ADGRG6: variants seen among roughly 807,000 people sequenced by gnomAD.
ADGRG6 encodes the protein G-protein coupled receptor 126.
In ADGRG6, 84 loss-of-function variants were observed where a neutral mutation model predicts 142.4. That is an observed-to-expected ratio of 0.59 (90% confidence interval 0.49 to 0.71). ADGRG6 has a LOEUF of 0.71. ADGRG6 is among the 30% of genes least tolerant of loss of function. The probability of loss-of-function intolerance (pLI) is 0.00; values close to 1 mark genes in which losing one functional copy is unlikely to be tolerated. For missense variants in ADGRG6, 1,367 were observed against 1,466.6 expected (o/e 0.93, Z 1.11); for synonymous variants, 521 against 520.5 (o/e 1.00, Z -0.01).
rs372566813 is a variant in ADGRG6, at chr6:142,411,439, T to C, written c.2541+28T>C. 17 of 1,116,086 alleles carry C rather than the reference T, an allele frequency of 1.5e-5. No individual in the cohort carries two copies. The African/African-American group carries it at 2.6e-4, about 17-fold the overall frequency. The allele number at this position is 1,116,086 out of a possible 1,614,324, so 69.1% of individuals were successfully genotyped here. A position where few individuals can be genotyped will look rare whatever the true frequency, so the allele number is the denominator to read the frequency against. On this transcript the variant is annotated intron_variant, in intron 18 of 24. Coordinates refer to ENST00000367609, the MANE Select transcript of ADGRG6 (RefSeq NM_198569.3). ...AAGGGGGGAATTTCTAAGCTCATTT[T>C]GACATGCTGTAACTTTGGATGGCAT...
chr6:142,320,857 C>G (rs1189850765), intron 2 of ADGRG6, among the ~76,000 whole-genome samples: 2 of 151,650 alleles, frequency 1.3e-5, no homozygotes, highest in African/African-American at 4.8e-5. Context: ...TGTAGTCATC[C>G]CTTTCTGTAA....
chr6:142,419,926 C>T lies in ADGRG6; in HGVS notation c.3141C>T (p.Ile1047=). 1 of 1,613,274 alleles carries T rather than the reference C, an allele frequency of 6.2e-7. No individual in the cohort carries two copies. Among genetic ancestry groups the T allele is most frequent in the South Asian group, 1.1e-5 (1 of 91,070 alleles). The change falls in exon 22 of 25, where the codon ATC becomes ATT. Residue 1047 remains isoleucine (I), a synonymous_variant. Coordinates refer to ENST00000367609, the MANE Select transcript of ADGRG6 (RefSeq NM_198569.3). ...TGTTCATTGTGGTAATGGTGCAGAT[C>T]TGTGGGAGGAATGGCAAGAGAAGCA... ...IAMFIVVMVQ[I]CGRNGKRSNR... is the part of the protein sequence containing the mutation.
chr6:142,379,359 T>G (rs749325793), intron 4 of ADGRG6, among the ~76,000 whole-genome samples: 7 of 152,258 alleles, frequency 4.6e-5, no homozygotes, highest in African/African-American at 4.8e-5. Context: ...GGCTGAATTA[T>G]TAGTAGTAGT....
In ADGRG6 at chr6:142,416,076, A is replaced by G. The variant is rs1776344347; in HGVS notation, c.2938+12A>G. ...CATCATTGGCTGGGGTAAGCCTCTT[A>G]AAATTTTTTTGGTTTTGTTTTTCCC... is the stretch of plus-strand genomic sequence containing the variant. On this transcript the variant is annotated intron_variant, in intron 20 of 24. Coordinates refer to ENST00000367609, the MANE Select transcript of ADGRG6 (RefSeq NM_198569.3). 1 of 1,584,652 alleles carries G rather than the reference A, an allele frequency of 6.3e-7. No homozygotes were observed. Among genetic ancestry groups the G allele is most frequent in the Non-Finnish European group, 8.6e-7 (1 of 1,165,186 alleles).
rs188725033 is a variant in ADGRG6 at position 142,317,558 on chromosome 6, T to C, written c.103+7914T>C. 3.6e-3 allele frequency among the ~76,000 whole-genome samples: 545 copies of C among 149,644 alleles called. 3 individuals are homozygous for C. Among genetic ancestry groups the C allele is most frequent in the African/African-American group, 0.013 (519 of 40,662 alleles). Reference sequence around the variant, plus strand: ...GTACTTAAATAAGTTACAGAGAACATAGAGTTAATGTTGCTGTTCTTAGAC... The same window carrying C: ...GTACTTAAATAAGTTACAGAGAACACAGAGTTAATGTTGCTGTTCTTAGAC... On this transcript the variant is annotated intron_variant, in intron 2 of 24. Coordinates refer to ENST00000367609, the MANE Select transcript of ADGRG6 (RefSeq NM_198569.3).
chr6:142,390,163 T>C (rs1774813984), intron 6 of ADGRG6, 95 bp from the exon 7 acceptor site: 3 of 476,116 alleles, frequency 6.3e-6, no homozygotes, highest in Non-Finnish European at 1.1e-5. Context: ...ACTATATGAT[T>C]ATGTAAGACT....
intron 4 of ADGRG6, among the ~76,000 whole-genome samples, chr6:142,372,123 T>C (rs1303684834): frequency 6.6e-6 from 1 of 152,140 alleles, no homozygotes; most frequent in Non-Finnish European, 1.5e-5. Flanking sequence ...TTCTGTGTGA[T>C]AAAAATTGTA....
chr6:142,309,279 A>T (rs1777644591), intron 1 of ADGRG6, among the ~76,000 whole-genome samples: 1 of 151,800 alleles, frequency 6.6e-6, no homozygotes, highest in South Asian at 2.1e-4. Context: ...ACCCATTTTC[A>T]TGCAGAAATC....
intron 6 of ADGRG6, among the ~76,000 whole-genome samples, chr6:142,389,911 G>A (rs1400035407): frequency 2.0e-5 from 3 of 151,790 alleles, no homozygotes; most frequent in African/African-American, 4.8e-5. Context: ...CATAATGCCT[G>A]TTATAAGAAG....
chr6:142,411,920 A>AGGGAGAT (rs1776109593), intron 18 of ADGRG6, among the ~76,000 whole-genome samples: 1 of 152,100 alleles, frequency 6.6e-6, no homozygotes, highest in Non-Finnish European at 1.5e-5. Flanking sequence ...GTTTGTTAGG[A>AGGGAGAT]CAGACTAGTG....
At chr6:142,318,399 A>G (rs1038986562) in intron 2 of ADGRG6, among the ~76,000 whole-genome samples, 4 of 112,516 alleles carry the variant, frequency 3.6e-5, no homozygotes, top group Non-Finnish European at 6.8e-5. Flanking sequence ...ATTATATGTA[A>G]TTTAAATATA....
At chr6:142,340,429 A>G (rs1173871721) in intron 2 of ADGRG6, among the ~76,000 whole-genome samples, 1 of 152,108 alleles carries the variant, frequency 6.6e-6, no homozygotes, top group South Asian at 2.1e-4. Context: ...TTAGCTCACT[A>G]TATAAGGTTG....
intron 22 of ADGRG6, among the ~76,000 whole-genome samples, chr6:142,423,916 T>G (rs1440417723): frequency 9.6e-6 from 1 of 104,188 alleles, no homozygotes; most frequent in African/African-American, 3.8e-5. Flanking sequence ...CTAGGTATTT[T>G]ATTCTCTTTG....
At chr6:142,388,675 T>G (rs4510697) in intron 6 of ADGRG6, among the ~76,000 whole-genome samples, 2,454 of 152,160 alleles carry the variant, frequency 0.016, 39 homozygotes, top group Non-Finnish European at 0.026. Flanking sequence ...GTGTTGAATA[T>G]CTCATGTACT....
chr6:142,317,433 G>C lies in ADGRG6; in HGVS notation c.103+7789G>C, dbSNP rs1385595268. Among the ~76,000 whole-genome samples, 18 of 151,784 alleles carry C rather than the reference G, an allele frequency of 1.2e-4. No individual in the cohort carries two copies. In the Admixed American group the frequency reaches 1.2e-3, roughly 10 times the overall value. On this transcript the variant is annotated intron_variant, in intron 2 of 24. Transcript: ENST00000367609. ...GACAGAACTTGGATTTTCCTTAGCA[G>C]GGTGTGTCTAGCTTATCAAAGAGTT... is the stretch of plus-strand genomic sequence containing the variant.
chr6:142,425,408 T>C (rs2115129042), intron 22 of ADGRG6, among the ~76,000 whole-genome samples: 1 of 152,314 alleles, frequency 6.6e-6, no homozygotes, highest in East Asian at 1.9e-4. Context: ...TACTCATCAT[T>C]GATTTGCTCA....
intron 24 of ADGRG6, 23 bp downstream of exon 24, chr6:142,438,387 G>GTTTAGTTCTCATCACAT: frequency 1.3e-6 from 2 of 1,523,038 alleles, no homozygotes; most frequent in South Asian, 2.5e-5. Context: ...ATGTCCTCAA[G>GTTTAGTTCTCATCACAT]TTTAGTTCTC....
At chr6:142,380,899 T>C (rs1176394675) in intron 4 of ADGRG6, among the ~76,000 whole-genome samples, 1 of 152,120 alleles carries the variant, frequency 6.6e-6, no homozygotes, top group Non-Finnish European at 1.5e-5. Flanking sequence ...AATAGGTAAA[T>C]GTTTGTTGAG....
chr6:142,325,982 T>C (rs901547512), intron 2 of ADGRG6, among the ~76,000 whole-genome samples: 1 of 152,006 alleles, frequency 6.6e-6, no homozygotes, highest in Non-Finnish European at 1.5e-5. Flanking sequence ...AAAATCTCAG[T>C]AATACAGAAT....
Sources: gnomAD v4.1 joint callset for allele counts (sites outside exome capture counted in the v4.1 genomes callset) on GRCh38, gnomAD v4.1.1 for gene constraint, MANE v1.5 for transcripts, NCBI Gene and HGNC (gene_info 2026-07-23, HGNC 2026-07-21) for gene names.